Variants in IAPP observed in about 807,000 individuals in gnomAD.
The protein encoded by IAPP is islet amyloid polypeptide, also known as Islet amyloid polypeptide (diabetes-associated peptide; amylin).
IAPP carries 4 observed loss-of-function variants against 2.9 expected under a neutral mutation model. That is an observed-to-expected ratio of 1.39 (90% CI 0.69 to 3.19). The LOEUF (loss-of-function observed/expected upper bound fraction) is 3.19, where lower values mean the gene tolerates loss of function less well. IAPP is among the 30% of genes most tolerant of loss of function. The probability of loss-of-function intolerance (pLI) is 0.01; values close to 1 mark genes in which losing one functional copy is unlikely to be tolerated. For missense variants in IAPP, 114 were observed against 105.3 expected (o/e 1.08, Z -0.36); for synonymous variants, 40 against 42.1 (o/e 0.95, Z 0.19).
At chr12:21,360,681 C>A (rs1410440621) in intron 1 of IAPP, among the ~76,000 whole-genome samples, 1 of 152,178 alleles carries the variant, frequency 6.6e-6, no homozygotes, top group African/African-American at 2.4e-5. Flanking sequence ...TCGGGACACT[C>A]CCACCCTAAT....
intron 1 of IAPP, among the ~76,000 whole-genome samples, chr12:21,367,312 A>T (rs1306000301): frequency 6.6e-6 from 1 of 152,154 alleles, no homozygotes; most frequent in East Asian, 1.9e-4. Flanking sequence ...TAAGGACATA[A>T]ATCAAGAAAA....
chr12:21,377,724 A>G (rs1241282869), intron 2 of IAPP, among the ~76,000 whole-genome samples: 1 of 152,198 alleles, frequency 6.6e-6, no homozygotes, highest in African/African-American at 2.4e-5. Flanking sequence ...CGTGTGTTGC[A>G]TATTGCAGAA....
intron 2 of IAPP, among the ~76,000 whole-genome samples, chr12:21,376,684 G>A (rs1324932642): frequency 6.6e-6 from 1 of 151,858 alleles, no homozygotes; most frequent in African/African-American, 2.4e-5. Flanking sequence ...AGTTTCACAT[G>A]AGATTATTAA....
Position 21,373,716 on chromosome 12 carries a change from C to T in IAPP, c.80+285C>T, listed in dbSNP as rs984441147. The stretch of plus-strand genomic sequence containing the variant: ...AGAGGGGCAAAGCCAGAACATGAAG[C>T]GGGAAAAAAATCAAAAGGTAGTAAT... On this transcript the variant is annotated intron_variant, in intron 2 of 2. Coordinates refer to ENST00000240652, the MANE Select transcript of IAPP (RefSeq NM_000415.3). 8 of 700,750 alleles carry T rather than the reference C, an allele frequency of 1.1e-5. No individual in the cohort carries two copies. In the East Asian group the frequency reaches 1.3e-4, roughly 12 times the overall value. 43.4% of individuals were successfully genotyped at this position (700,750 alleles called of 1,614,324 possible). A position where few individuals can be genotyped will look rare whatever the true frequency, so the allele number is the denominator to read the frequency against.
At chr12:21,370,412 T>C (rs375663392), upstream of IAPP, among the ~76,000 whole-genome samples, 2 of 151,920 alleles carry the variant, frequency 1.3e-5, no homozygotes, top group South Asian at 4.2e-4. Context: ...ATGTGCCATG[T>C]TGGTGTGCTG....
chr12:21,370,694 A>G (rs994593389), upstream of IAPP, among the ~76,000 whole-genome samples: 2 of 152,212 alleles, frequency 1.3e-5, no homozygotes, highest in Non-Finnish European at 2.9e-5. Flanking sequence ...AATAGAATAA[A>G]TAACAATGTA....
intron 2 of IAPP, 101 bp from the exon 3 acceptor site, chr12:21,378,136 G>C: frequency 1.8e-6 from 2 of 1,089,856 alleles, no homozygotes; most frequent in South Asian, 2.9e-5. Context: ...TGTGAAAATT[G>C]TTTCTTTGGT....
chr12:21,368,506 C>G (rs1311298012), upstream of IAPP, among the ~76,000 whole-genome samples: 4 of 151,788 alleles, frequency 2.6e-5, no homozygotes, highest in Non-Finnish European at 5.9e-5. Flanking sequence ...AACGTGAATG[C>G]TGAATGAATA....
intron 1 of IAPP, among the ~76,000 whole-genome samples, chr12:21,358,071 G>A (rs928635224): frequency 3.3e-5 from 5 of 152,088 alleles, no homozygotes; most frequent in Non-Finnish European, 7.4e-5. Flanking sequence ...CACATGTTTT[G>A]AATCTGGTAA....
At chr12:21,359,440 A>G (rs1247362471) in intron 1 of IAPP, among the ~76,000 whole-genome samples, 2 of 152,206 alleles carry the variant, frequency 1.3e-5, no homozygotes, top group African/African-American at 4.8e-5. Context: ...TGGCTAAAAG[A>G]ACCACAAATA....
intron 1 of IAPP, among the ~76,000 whole-genome samples, chr12:21,362,069 G>C (rs1938946026): frequency 6.6e-6 from 1 of 152,134 alleles, no homozygotes. Flanking sequence ...TCCTCGAGAA[G>C]AGAAACTCCA....
In IAPP at chr12:21,378,295, A is replaced by G; in HGVS notation, c.139A>G (p.Asn47Asp). The G allele has an allele frequency of 6.2e-7, 1 of 1,614,218 alleles. No homozygotes were observed. The highest frequency in any genetic ancestry group is 8.5e-7 in the Non-Finnish European group (1 of 1,180,032). ...CACATGTGCAACGCAGCGCCTGGCA[A>G]ATTTTTTAGTTCATTCCAGCAACAA... is the stretch of plus-strand genomic sequence containing the variant. The part of the protein sequence containing the change: ...TATCATQRLA[N>D]FLVHSSNNFG... Residue 47 changes from asparagine (N) to aspartate (D), a missense_variant, in exon 3 of 3, where the codon AAT becomes GAT. Asn to Asp is a conservative substitution (Grantham distance 23, BLOSUM62 1). Transcript: ENST00000240652.
At chr12:21,373,566 A>G (rs1939959643) in intron 2 of IAPP, 135 bp downstream of exon 2, 1 of 719,252 alleles carries the variant, frequency 1.4e-6, no homozygotes, top group Non-Finnish European at 2.5e-6. Flanking sequence ...CAGCTATTCC[A>G]TTGTTCCTTG....
At chr12:21,371,921 G>T (rs984717316), upstream of IAPP, among the ~76,000 whole-genome samples, 1 of 151,742 alleles carries the variant, frequency 6.6e-6, no homozygotes, top group African/African-American at 2.4e-5. Flanking sequence ...AGAATCACTT[G>T]AACCCGGGAG....
chr12:21,371,687 G>A (rs562709155), upstream of IAPP, among the ~76,000 whole-genome samples: 7 of 152,170 alleles, frequency 4.6e-5, no homozygotes, highest in Admixed American at 2.0e-4. Flanking sequence ...TAATAACTAA[G>A]ATACCAAATA....
intron 2 of IAPP, 92 bp downstream of exon 2, chr12:21,373,523 T>A: frequency 2.3e-6 from 2 of 864,296 alleles, no homozygotes; most frequent in Non-Finnish European, 4.0e-6. Flanking sequence ...AGCCTTAGAT[T>A]TCTGACTATA....
At chr12:21,376,823 A>G (rs2137107713) in intron 2 of IAPP, among the ~76,000 whole-genome samples, 1 of 152,232 alleles carries the variant, frequency 6.6e-6, no homozygotes, top group South Asian at 2.1e-4. Context: ...GCTCCTGGAC[A>G]TTGAGTTTTT....
chr12:21,361,850 G>T (rs1028487313), intron 1 of IAPP, among the ~76,000 whole-genome samples: 76 of 152,112 alleles, frequency 5.0e-4, no homozygotes, highest in African/African-American at 1.8e-3. Flanking sequence ...AGAGAAAAAA[G>T]AGTAAAAAGA....
At chr12:21,363,386 A>T (rs371100243) in intron 1 of IAPP, among the ~76,000 whole-genome samples, 5 of 152,338 alleles carry the variant, frequency 3.3e-5, no homozygotes, top group East Asian at 3.9e-4. Context: ...TCTGGGACAC[A>T]TTTAAAGCTG....
Sources: allele counts gnomAD v4.1 joint callset (sites outside exome capture counted in the v4.1 genomes callset), GRCh38; gene constraint gnomAD v4.1.1; transcripts MANE v1.5; gene names NCBI Gene and HGNC (gene_info 2026-07-23, HGNC 2026-07-21).